UMAD1: variants seen among roughly 807,000 people sequenced by gnomAD.
The protein encoded by UMAD1 is UBAP1-MVB12-associated (UMA)-domain containing protein 1.
In UMAD1, 8 loss-of-function variants were observed where a neutral mutation model predicts 6.1. That is an observed-to-expected ratio of 1.30 (90% confidence interval 0.76 to 2.35). The LOEUF is 2.35. Among genes scored for constraint, UMAD1 ranks in the 30% most tolerant of loss-of-function variants. UMAD1 has a pLI of 0.00. For missense variants in UMAD1, 130 were observed against 78.4 expected (o/e 1.66, Z -2.49); for synonymous variants, 56 against 31.4 (o/e 1.78, Z -2.61).
At chr7:7,757,790 A>G (rs1244511751) in intron 2 of UMAD1, among the ~76,000 whole-genome samples, 1 of 152,176 alleles carries the variant, frequency 6.6e-6, no homozygotes. Context: ...GAATGCAGAA[A>G]AAGCTCAAAG....
chr7:7,823,216 A>G (rs1017106817), intron 3 of UMAD1, among the ~76,000 whole-genome samples: 7 of 152,144 alleles, frequency 4.6e-5, no homozygotes, highest in African/African-American at 1.7e-4. Context: ...ACATAAAGGA[A>G]GCCAAAATGT....
chr7:7,801,759 TA>T lies in UMAD1; in HGVS notation c.156+18del, dbSNP rs1299109069. Reference sequence around the variant, plus strand: ...ACCTTTGGAGGTAAGTGAAACAGAGTAAGTCCTTTTCGGTGAAACTGAACAA... The same window carrying T: ...ACCTTTGGAGGTAAGTGAAACAGAGTAGTCCTTTTCGGTGAAACTGAACAA... On this transcript the variant is annotated intron_variant, in intron 3 of 3. Coordinates refer to ENST00000682710, the MANE Select transcript of UMAD1 (RefSeq NM_001302348.2). 4.2e-6 allele frequency: 3 copies of T among 717,004 alleles called. No individual in the cohort carries two copies. The highest frequency in any genetic ancestry group is 7.8e-6 in the Non-Finnish European group (3 of 385,002). The allele number at this position is 717,004 out of a possible 1,614,324, so 44.4% of individuals were successfully genotyped here. A position where few individuals can be genotyped will look rare whatever the true frequency, so the allele number is the denominator to read the frequency against.
At chr7:7,771,428 A>G (rs1782099067) in intron 2 of UMAD1, among the ~76,000 whole-genome samples, 1 of 152,080 alleles carries the variant, frequency 6.6e-6, no homozygotes, top group African/African-American at 2.4e-5. Flanking sequence ...CAGCCACAGG[A>G]TGTTATTTTC....
intron 2 of UMAD1, among the ~76,000 whole-genome samples, chr7:7,674,118 G>A (rs1441681687): frequency 6.6e-6 from 1 of 152,128 alleles, no homozygotes; most frequent in Admixed American, 6.6e-5. Flanking sequence ...ATGGTGTGGG[G>A]TAGTCAAACC....
chr7:7,719,030 T>C (rs117608560), intron 2 of UMAD1, among the ~76,000 whole-genome samples: 1 of 152,252 alleles, frequency 6.6e-6, no homozygotes, highest in Non-Finnish European at 1.5e-5. Context: ...AAAAAACATA[T>C]GAGTATTTTT....
intron 3 of UMAD1, among the ~76,000 whole-genome samples, chr7:7,808,427 G>C (rs1037768795): frequency 6.6e-6 from 1 of 151,896 alleles, no homozygotes. Flanking sequence ...TGTAGTCTTG[G>C]AAAGTGTTTT....
At chr7:7,657,045 T>C (rs552789314) in intron 1 of UMAD1, among the ~76,000 whole-genome samples, 109 of 152,316 alleles carry the variant, frequency 7.2e-4, no homozygotes, top group African/African-American at 2.6e-3. Flanking sequence ...GTGGTTTTGA[T>C]TTGCATTTCT....
chr7:7,873,149 A>G lies in UMAD1; in HGVS notation c.157-4132A>G, dbSNP rs372117420. Among the ~76,000 whole-genome samples the G allele has an allele frequency of 3.3e-4, 50 of 152,298 alleles. 1 individual carries two copies. The South Asian group carries it at 0.01, about 32-fold the overall frequency. On this transcript the variant is annotated intron_variant, in intron 3 of 3. Coordinates refer to ENST00000682710, the MANE Select transcript of UMAD1 (RefSeq NM_001302348.2). ...CTGTTATCAATCTCATAATACAGCTAAGGAAACTGAGGCACGGAGAAGTTA... is the reference window on the plus strand; with the variant it reads ...CTGTTATCAATCTCATAATACAGCTGAGGAAACTGAGGCACGGAGAAGTTA...
intron 2 of UMAD1, among the ~76,000 whole-genome samples, chr7:7,768,434 C>T (rs1367966085): frequency 6.6e-6 from 1 of 152,202 alleles, no homozygotes; most frequent in African/African-American, 2.4e-5. Flanking sequence ...CTGAACTCCA[C>T]ACACTGTTCT....
At chr7:7,703,760 C>T (rs996953725) in intron 2 of UMAD1, among the ~76,000 whole-genome samples, 3 of 151,972 alleles carry the variant, frequency 2.0e-5, no homozygotes, top group South Asian at 2.1e-4. Flanking sequence ...GGCAACGTGG[C>T]GAAACCCCGT....
At chr7:7,866,986 C>T (rs549881582) in intron 3 of UMAD1, among the ~76,000 whole-genome samples, 1 of 152,078 alleles carries the variant, frequency 6.6e-6, no homozygotes, top group South Asian at 2.1e-4. Flanking sequence ...GCAGAAAAGT[C>T]AATAGGACTC....
At chr7:7,863,727 C>G (rs1173523184) in intron 3 of UMAD1, among the ~76,000 whole-genome samples, 2 of 152,146 alleles carry the variant, frequency 1.3e-5, no homozygotes, top group Non-Finnish European at 2.9e-5. Flanking sequence ...AACAGAGAAA[C>G]AAGATACATA....
intron 3 of UMAD1, among the ~76,000 whole-genome samples, chr7:7,845,503 C>G (rs1476386446): frequency 1.3e-5 from 2 of 152,084 alleles, no homozygotes; most frequent in Admixed American, 1.3e-4. Context: ...AATGTTAAGA[C>G]TAGTGCCCTT....
At chr7:7,792,954 C>T (rs73673830) in intron 2 of UMAD1, among the ~76,000 whole-genome samples, 3,163 of 152,228 alleles carry the variant, frequency 0.021, 98 homozygotes, top group African/African-American at 0.07. Flanking sequence ...ATCCTCATGA[C>T]CTCATGACCT....
chr7:7,740,631 C>T (rs1781443623), intron 2 of UMAD1: 1 of 152,166 alleles, frequency 6.6e-6, no homozygotes, highest in African/African-American at 2.4e-5. Flanking sequence ...TTTTAATCTG[C>T]CTTTTGCATT....
intron 3 of UMAD1, among the ~76,000 whole-genome samples, chr7:7,811,564 G>A (rs541388011): frequency 2.0e-5 from 3 of 152,234 alleles, no homozygotes; most frequent in Non-Finnish European, 2.9e-5. Context: ...CCATGAAGTC[G>A]ATGAATTAGG....
At chr7:7,747,948 ATATGTTT>A (rs968468569) in intron 2 of UMAD1, among the ~76,000 whole-genome samples, 40 of 152,252 alleles carry the variant, frequency 2.6e-4, no homozygotes, top group African/African-American at 8.9e-4. Flanking sequence ...CTAATAAAGT[ATATGTTT>A]TATGATTATA....
Position 7,675,653 on chromosome 7 carries a change from C to T in UMAD1, c.82+2200C>T, listed in dbSNP as rs527329719. Among the ~76,000 whole-genome samples, 3 of 152,242 alleles carry T rather than the reference C, an allele frequency of 2.0e-5. No individual in the cohort carries two copies. In the South Asian group the frequency reaches 6.2e-4, roughly 32 times the overall value. Reference sequence around the variant, plus strand: ...AATTACTCTAATATGCTCTCAGTACCAGCTGCTCCATCTGAGGGAATTTTC... The same window carrying T: ...AATTACTCTAATATGCTCTCAGTACTAGCTGCTCCATCTGAGGGAATTTTC... On this transcript the variant is annotated intron_variant, in intron 2 of 3. Coordinates refer to ENST00000682710, the MANE Select transcript of UMAD1 (RefSeq NM_001302348.2).
chr7:7,858,215 T>G (rs950507444), intron 3 of UMAD1, among the ~76,000 whole-genome samples: 1 of 152,208 alleles, frequency 6.6e-6, no homozygotes. Context: ...ATCGGAAGCT[T>G]AAGACCGATT....
Sources: gnomAD v4.1 joint callset for allele counts (sites outside exome capture counted in the v4.1 genomes callset) on GRCh38, gnomAD v4.1.1 for gene constraint, MANE v1.5 for transcripts, NCBI Gene and HGNC (gene_info 2026-07-23, HGNC 2026-07-21) for gene names.